The following GLI2 variants were observed in gnomAD, a reference collection of about 807,000 sequenced individuals.
GLI2 encodes transcription activator GLI2.
In GLI2, 22 loss-of-function variants were observed where a neutral mutation model predicts 78.9. That is an observed-to-expected ratio of 0.28 (90% CI 0.20 to 0.40). The LOEUF (loss-of-function observed/expected upper bound fraction) is 0.40, where lower values mean the gene tolerates loss of function less well. Ranked by LOEUF, GLI2 falls within the 10% of genes least tolerant of loss-of-function variation. The pLI is 1.00. For synonymous variants in GLI2, 974 were observed against 963.7 expected (o/e 1.01, Z -0.20); for missense variants, 2,097 against 2,213.2 (o/e 0.95, Z 1.05).
At chr2:120,898,435 C>T (rs937608706) in intron 2 of GLI2, among the ~76,000 whole-genome samples, 4 of 152,144 alleles carry the variant, frequency 2.6e-5, no homozygotes, top group African/African-American at 9.7e-5. Flanking sequence ...TCACTTGGGG[C>T]GTGCATGCCT....
chr2:120,747,602 G>C (rs1202868760), intron 1 of GLI2, among the ~76,000 whole-genome samples: 1 of 152,228 alleles, frequency 6.6e-6, no homozygotes, highest in Non-Finnish European at 1.5e-5. Context: ...AATGCTATTG[G>C]TATTTAGTGG....
intron 2 of GLI2, among the ~76,000 whole-genome samples, chr2:120,824,748 T>C (rs1012726832): frequency 9.2e-5 from 14 of 152,234 alleles, no homozygotes; most frequent in Non-Finnish European, 1.8e-4. Flanking sequence ...CAGCCTGATG[T>C]TCCAACCAAG....
intron 3 of GLI2, among the ~76,000 whole-genome samples, chr2:120,941,905 A>G (rs10190698): frequency 0.86 from 131,164 of 152,120 alleles, 59,422 homozygotes; most frequent in East Asian, 1. Context: ...TCCAGGCGGC[A>G]GGGGGGAAAG....
chr2:120,931,495 C>G (rs1679941685), intron 3 of GLI2, among the ~76,000 whole-genome samples: 1 of 152,170 alleles, frequency 6.6e-6, no homozygotes, highest in Admixed American at 6.5e-5. Flanking sequence ...TTAACAAATG[C>G]CAGGGATTAG....
At chr2:120,959,703 T>C in intron 5 of GLI2, among the ~76,000 whole-genome samples, 1 of 151,906 alleles carries the variant, frequency 6.6e-6, no homozygotes, top group South Asian at 2.1e-4. Flanking sequence ...CCGTGAACCA[T>C]GGGAGCTGGG....
intron 2 of GLI2, among the ~76,000 whole-genome samples, chr2:120,823,132 A>G (rs1401347337): frequency 1.3e-5 from 2 of 152,182 alleles, no homozygotes; most frequent in Non-Finnish European, 2.9e-5. Context: ...TTTGACATGC[A>G]GCGGCCGCAC....
rs948869141 is a variant in GLI2 at position 120,923,773 on chromosome 2, G to C, written c.149-3588G>C. On this transcript the variant is annotated intron_variant, in intron 2 of 13. Transcript: ENST00000361492. ...GCACTGCACATACTCACACATGCAC[G>C]TGCAGCACACACATATACATACCCC... is the stretch of plus-strand genomic sequence containing the variant. Among the ~76,000 whole-genome samples, 3 of 151,708 alleles carry C rather than the reference G, an allele frequency of 2.0e-5. No homozygotes were observed. The East Asian group carries it at 5.8e-4, about 29-fold the overall frequency.
At chr2:120,837,950 G>A (rs1327349090) in intron 2 of GLI2, among the ~76,000 whole-genome samples, 1 of 152,040 alleles carries the variant, frequency 6.6e-6, no homozygotes, top group Non-Finnish European at 1.5e-5. Context: ...TCTTTCAAAT[G>A]GTCTTGGCTC....
chr2:120,797,503 G>A, intron 2 of GLI2, 35 bp downstream of exon 2: 1 of 1,603,684 alleles, frequency 6.2e-7, no homozygotes, highest in South Asian at 1.1e-5. Flanking sequence ...AGGGCAGCAG[G>A]GGTGTTTTTC....
chr2:120,774,927 C>T (rs1683632830), intron 1 of GLI2, among the ~76,000 whole-genome samples: 1 of 152,236 alleles, frequency 6.6e-6, no homozygotes. Context: ...GCCCCCTGCC[C>T]AAAGCCCGGG....
chr2:120,779,904 G>A (rs960615889), intron 1 of GLI2, among the ~76,000 whole-genome samples: 2 of 152,174 alleles, frequency 1.3e-5, no homozygotes, highest in African/African-American at 4.8e-5. Context: ...CTTAGAGAGT[G>A]TATACGTGTG....
At chr2:120,918,560 C>T (rs1198842282) in intron 2 of GLI2, among the ~76,000 whole-genome samples, 6 of 151,912 alleles carry the variant, frequency 3.9e-5, no homozygotes, top group Non-Finnish European at 8.8e-5. Context: ...CCTGCCTCAG[C>T]CTCTCCAGTA....
intron 10 of GLI2, among the ~76,000 whole-genome samples, chr2:120,980,672 C>T (rs1023298615): frequency 9.2e-5 from 14 of 152,264 alleles, no homozygotes; most frequent in East Asian, 3.9e-4. Flanking sequence ...CTTTTAGCGT[C>T]ATAGCTAAGG....
chr2:120,888,049 G>A (rs1677501679), intron 2 of GLI2, among the ~76,000 whole-genome samples: 1 of 152,216 alleles, frequency 6.6e-6, no homozygotes, highest in Non-Finnish European at 1.5e-5. Flanking sequence ...GTTTGCCAAA[G>A]TGATTTGGAG....
Position 120,989,576 on chromosome 2 carries a change from A to G in GLI2, c.3611A>G (p.Tyr1204Cys). Residue 1204 changes from tyrosine to cysteine, a missense_variant, in exon 14 of 14, where the codon TAC (tyrosine) becomes TGC (cysteine). Physicochemically the swap from Tyr to Cys is radical, Grantham distance 194 (BLOSUM62 -2). Around this residue, in one of 5 missense-constraint regions of GLI2, gnomAD observed 1,290 missense variants for 1,261.7 expected, o/e 1.02. Coordinates refer to ENST00000361492, the MANE Select transcript of GLI2 (RefSeq NM_001374353.1). ...TCCCAGGGCATCCCCAGGGTAAACT[A>G]CATGCAGCAGCTGCGACAGCCAGTG... ...APSQGIPRVN[Y>C]MQQLRQPVAG... is the part of the protein sequence containing the mutation. The G allele has an allele frequency of 6.2e-7, 1 of 1,613,196 alleles. No homozygotes were observed. Among genetic ancestry groups the G allele is most frequent in the Non-Finnish European group, 8.5e-7 (1 of 1,179,912 alleles).
chr2:120,926,073 A>AG (rs1491273027), intron 2 of GLI2, among the ~76,000 whole-genome samples: 1 of 12,948 alleles, frequency 7.7e-5, no homozygotes, highest in Admixed American at 8.2e-4. Context: ...ACTCCGTCTC[A>AG]AAAAAAAAAA....
intron 1 of GLI2, among the ~76,000 whole-genome samples, chr2:120,779,215 CTG>C: frequency 6.6e-6 from 1 of 152,320 alleles, no homozygotes; most frequent in Admixed American, 6.5e-5. Context: ...GATCAGGAAA[CTG>C]TGGCTCAGGA....
At chr2:120,789,571 A>G (rs1362462316) in intron 1 of GLI2, among the ~76,000 whole-genome samples, 3 of 151,990 alleles carry the variant, frequency 2.0e-5, no homozygotes, top group African/African-American at 7.3e-5. Flanking sequence ...ACAAGTAGAA[A>G]CTCACTGCTG....
At chr2:120,898,138 G>C (rs984094101) in intron 2 of GLI2, among the ~76,000 whole-genome samples, 1 of 145,608 alleles carries the variant, frequency 6.9e-6, no homozygotes, top group Non-Finnish European at 1.5e-5. Flanking sequence ...TCGAAATTAG[G>C]GTTAAAACGC....
Sources: gnomAD v4.1 joint callset for allele counts (sites outside exome capture counted in the v4.1 genomes callset) on GRCh38, gnomAD v4.1.1 for gene constraint, gnomAD v4.1.1 regional missense constraint, MANE v1.5 for transcripts, NCBI Gene and HGNC (gene_info 2026-07-23, HGNC 2026-07-21) for gene names.